DOCK6: variants seen among roughly 807,000 people sequenced by gnomAD.
DOCK6 encodes the protein dedicator of cytokinesis 6.
In DOCK6, 167 loss-of-function variants were observed where a neutral mutation model predicts 230.3. That is an observed-to-expected ratio of 0.73 (90% CI 0.64 to 0.82). DOCK6 has a LOEUF of 0.82. Ranked by LOEUF, DOCK6 falls within the 40% of genes least tolerant of loss-of-function variation. DOCK6 has a pLI of 0.00. For missense variants in DOCK6, 2,598 were observed against 2,825.8 expected (o/e 0.92, Z 1.83); for synonymous variants, 1,148 against 1,185.0 (o/e 0.97, Z 0.64).
intron 37 of DOCK6, among the ~76,000 whole-genome samples, chr19:11,210,452 G>GCCTGTTCACCCCTTCA (rs2079359100): frequency 1.9e-5 from 2 of 104,968 alleles, no homozygotes; most frequent in African/African-American, 7.5e-5. Flanking sequence ...CTGTCTCCTT[G>GCCTGTTCACCCCTTCA]CCTGTTCACC....
At chr19:11,233,096 C>T (rs1053281700) in intron 22 of DOCK6, 107 bp downstream of exon 22, 5 of 1,427,566 alleles carry the variant, frequency 3.5e-6, no homozygotes, top group Admixed American at 4.2e-5. Context: ...CCTTCATTCA[C>T]GTTGTCGTCT....
rs769518105 is a variant in DOCK6, at chr19:11,222,186, T to A, written c.3303A>T (p.Gly1101=). The change falls in exon 27 of 48, where the codon GGA becomes GGT. Residue 1101 remains glycine (G), a synonymous_variant. Transcript: ENST00000294618. The surrounding 1 kb of genome is among the most constrained non-coding windows in gnomAD (Gnocchi z 4.0). ...PKVTSMFELS[G]PFRQQHFLAG... is the part of the protein sequence containing the mutation. ...CTAGGAAGTGCTGCTGCCGGAATGG[T>A]CCACTCAGTTCGAACATGCTGGTCA... 3.1e-6 allele frequency: 5 copies of A among 1,608,396 alleles called. No individual in the cohort carries two copies. The highest frequency in any genetic ancestry group is 4.2e-6 in the Non-Finnish European group (5 of 1,177,666).
At chr19:11,218,690 C>T (rs1200603712) in intron 28 of DOCK6, among the ~76,000 whole-genome samples, 4 of 151,624 alleles carry the variant, frequency 2.6e-5, no homozygotes, top group African/African-American at 9.7e-5. Flanking sequence ...TCAAGTGATC[C>T]GCCCACCTTG....
chr19:11,219,713 C>T (rs556756258), intron 28 of DOCK6, among the ~76,000 whole-genome samples: 35 of 151,252 alleles, frequency 2.3e-4, no homozygotes, highest in African/African-American at 7.5e-4. Context: ...TGGTGTCAAC[C>T]CAGGAGGCAG....
chr19:11,253,948 G>A (rs1179009287), intron 1 of DOCK6: 2 of 451,036 alleles, frequency 4.4e-6, no homozygotes, highest in Non-Finnish European at 7.7e-6. Flanking sequence ...CACCAGTGGG[G>A]TCTGAAGCCA....
In DOCK6 at chr19:11,243,924, C is replaced by A. The variant is rs373227793; in HGVS notation, c.1024-42G>T. The stretch of plus-strand genomic sequence containing the variant: ...TGAATCCAGTGAGGCGCTGCCCGAA[C>A]GCTCTGTTCCCCCGTGCTGGCTCCC... On this transcript the variant is annotated intron_variant, in intron 9 of 47. Transcript: ENST00000294618. This position sits in a 1 kb window ranked among gnomAD's most constrained non-coding sequence, Gnocchi z 6.3. The A allele has an allele frequency of 1.3e-6, 2 of 1,568,398 alleles. No homozygotes were observed. The highest frequency in any genetic ancestry group is 2.3e-5 in the South Asian group (2 of 85,292).
chr19:11,234,198 C>T (rs373687094), intron 21 of DOCK6, among the ~76,000 whole-genome samples: 1 of 151,402 alleles, frequency 6.6e-6, no homozygotes, highest in African/African-American at 2.4e-5. Context: ...CGGGGTTTCA[C>T]CATGTTGGCC....
intron 39 of DOCK6, among the ~76,000 whole-genome samples, chr19:11,207,257 G>T (rs1023733855): frequency 2.6e-5 from 4 of 152,086 alleles, no homozygotes; most frequent in African/African-American, 4.8e-5. Flanking sequence ...ACAGTGGCAC[G>T]ATTACAACTC....
chr19:11,227,276 C>T (rs2079680620), intron 24 of DOCK6, 61 bp downstream of exon 24: 2 of 1,589,814 alleles, frequency 1.3e-6, no homozygotes, highest in Non-Finnish European at 1.7e-6. Context: ...GGCGCCCCCA[C>T]CTGGCTGGCT....
rs758607657 is a variant in DOCK6, at chr19:11,233,270, CTGCTGCTGA to C, written c.2642_2650del (p.Ile881_Ser883del). Reference sequence around the variant, plus strand: ...AGGGGCCACGGCGAGGTCAGGGTTGCTGCTGCTGATGCTCTTGGAACGCGCCAGGTAGAG... The same window carrying C: ...AGGGGCCACGGCGAGGTCAGGGTTGCTGCTCTTGGAACGCGCCAGGTAGAG... On this transcript the variant is annotated inframe_deletion, in exon 22 of 48. Coordinates refer to ENST00000294618, the MANE Select transcript of DOCK6 (RefSeq NM_020812.4). 1.2e-6 allele frequency: 2 copies of C among 1,613,918 alleles called. No individual in the cohort carries two copies. Among genetic ancestry groups the C allele is most frequent in the Non-Finnish European group, 1.7e-6 (2 of 1,179,860 alleles).
At chr19:11,215,239 G>A (rs909423025) in intron 32 of DOCK6, 148 bp downstream of exon 32, 8 of 638,064 alleles carry the variant, frequency 1.3e-5, no homozygotes, top group African/African-American at 1.8e-5. Flanking sequence ...CACTGCGCCC[G>A]GCCCATGCCC....
Position 11,202,670 on chromosome 19 carries a change from C to T in DOCK6, c.5275G>A (p.Ala1759Thr), listed in dbSNP as rs200024224. 9.5e-5 allele frequency: 153 copies of T among 1,613,836 alleles called. No homozygotes were observed. The highest frequency in any genetic ancestry group is 5.0e-5 in the Admixed American group (3 of 60,002). ...GTYFRVGFYG[A>T]HFGDLDEQEF... ...TGCTCATCCAGGTCACCGAAGTGGGCGCCGTAGAAGCCCACGCGGAAATAC... is the reference window on the plus strand; with the variant it reads ...TGCTCATCCAGGTCACCGAAGTGGGTGCCGTAGAAGCCCACGCGGAAATAC... The change falls in exon 42 of 48, where the codon GCC becomes ACC. Residue 1759 changes from alanine to threonine, a missense_variant. Transcript: ENST00000294618. This position sits in a 1 kb window ranked among gnomAD's most constrained non-coding sequence, Gnocchi z 5.3.
rs1340623388 is a variant in DOCK6, at chr19:11,243,891, C to T, written c.1024-9G>A. The T allele has an allele frequency of 6.2e-7, 1 of 1,603,516 alleles. No homozygotes were observed. Among genetic ancestry groups the T allele is most frequent in the Non-Finnish European group, 8.5e-7 (1 of 1,175,218 alleles). On this transcript the variant is annotated splice_polypyrimidine_tract_variant and intron_variant, in intron 9 of 47. Transcript: ENST00000294618. The surrounding 1 kb of genome is among the most constrained non-coding windows in gnomAD (Gnocchi z 6.3). ...TGAAGCACCTTCTCCAACTGCGGGG[C>T]AGATGAATGAATCCAGTGAGGCGCT...
At chr19:11,204,979 A>T (rs2079233595) in intron 39 of DOCK6, among the ~76,000 whole-genome samples, 1 of 152,130 alleles carries the variant, frequency 6.6e-6, no homozygotes, top group African/African-American at 2.4e-5. Flanking sequence ...AGTCTCAGAG[A>T]CAGAGGCATT....
Position 11,213,358 on chromosome 19 carries a change from C to A in DOCK6, c.4339-30G>T, listed in dbSNP as rs1368545354. 1.9e-6 allele frequency: 3 copies of A among 1,597,896 alleles called. No individual in the cohort carries two copies. In the Admixed American group the frequency reaches 5.2e-5, roughly 28 times the overall value. On this transcript the variant is annotated intron_variant, in intron 34 of 47. Transcript: ENST00000294618. ...CCCCAAGGACCCAGACAGACACTGT[C>A]CAGCCCCTCCCCGTTCTGGCTCAGA...
chr19:11,236,590 G>A lies in DOCK6; in HGVS notation c.2161-13C>T, dbSNP rs1296917730. 1.1e-5 allele frequency: 18 copies of A among 1,567,700 alleles called. No homozygotes were observed. Among genetic ancestry groups the A allele is most frequent in the Non-Finnish European group, 1.5e-5 (17 of 1,155,962 alleles). On this transcript the variant is annotated splice_polypyrimidine_tract_variant and intron_variant, in intron 19 of 47. Transcript: ENST00000294618. This position sits in a 1 kb window ranked among gnomAD's most constrained non-coding sequence, Gnocchi z 5.2. ...CCAGGTAGGGGTCCTGGGTAGGGAT[G>A]TGGAGTGAGCAGGGTGGGGCCTCAG...
chr19:11,237,116 T>C (rs1277068683), intron 18 of DOCK6: 3 of 590,684 alleles, frequency 5.1e-6, no homozygotes, highest in Non-Finnish European at 9.0e-6. Context: ...GAATATTCAT[T>C]GAGTAGGTCA....
intron 1 of DOCK6, among the ~76,000 whole-genome samples, chr19:11,254,572 C>T: frequency 6.6e-6 from 1 of 152,084 alleles, no homozygotes; most frequent in South Asian, 2.1e-4. Context: ...GTCCCAGCTA[C>T]TCAAGAGGCT....
intron 20 of DOCK6, 140 bp from the exon 21 acceptor site, chr19:11,235,899 G>C: frequency 1.6e-6 from 1 of 618,642 alleles, no homozygotes; most frequent in Non-Finnish European, 2.2e-6. Context: ...TTTTTTTTTT[G>C]AGATGGAGTC....
Sources: allele counts gnomAD v4.1 joint callset (sites outside exome capture counted in the v4.1 genomes callset), GRCh38; gene constraint gnomAD v4.1.1; non-coding constraint Gnocchi (gnomAD v3.1); transcripts MANE v1.5; gene names NCBI Gene and HGNC (gene_info 2026-07-23, HGNC 2026-07-21).